The following CD48 variants were observed in gnomAD, a reference collection of about 807,000 sequenced individuals.
The protein encoded by CD48 is CD48 antigen.
In CD48, 20 loss-of-function variants were observed where a neutral mutation model predicts 22.0. That is an observed-to-expected ratio of 0.91 (90% CI 0.64 to 1.32). CD48 has a LOEUF of 1.32. Ranked by LOEUF, CD48 falls within the 40% of genes most tolerant of loss-of-function variation. The pLI is 0.00. For synonymous variants in CD48, 110 were observed against 110.1 expected, an observed-to-expected ratio of 1.00 and a Z score of 0.01; for missense variants, 307 against 286.5, an observed-to-expected ratio of 1.07 and a Z score of -0.52.
intron 1 of CD48, among the ~76,000 whole-genome samples, chr1:160,707,410 G>C (rs1268043082): frequency 2.6e-5 from 4 of 152,244 alleles, no homozygotes; most frequent in African/African-American, 9.6e-5. Flanking sequence ...GACATGAAGA[G>C]AAGGGAGGTG....
chr1:160,701,032 C>G (rs1401361841), intron 1 of CD48, among the ~76,000 whole-genome samples: 1 of 151,684 alleles, frequency 6.6e-6, no homozygotes, highest in Non-Finnish European at 1.5e-5. Flanking sequence ...AGCACTTGCC[C>G]AACATAAAGC....
At chr1:160,681,508 C>T (rs1312487841) in intron 2 of CD48, 40 bp from the exon 3 acceptor site, 1 of 1,599,634 alleles carries the variant, frequency 6.3e-7, no homozygotes, top group Admixed American at 1.7e-5. Flanking sequence ...GACAGTGAGG[C>T]ATTCATGCTG....
Position 160,697,868 on chromosome 1 carries a change from G to A in CD48, c.83-12679C>T, listed in dbSNP as rs575695478. On this transcript the variant is annotated intron_variant, in intron 1 of 3. Coordinates refer to ENST00000368046, the MANE Select transcript of CD48 (RefSeq NM_001778.4). ...AAGTGCACAAGTGAGTCCAGCTGTT[G>A]ATAGCGACTTAACAGAAAGTCTAGA... Among the ~76,000 whole-genome samples, 125 of 152,214 alleles carry A rather than the reference G, an allele frequency of 8.2e-4. 1 individual carries two copies. The highest frequency in any genetic ancestry group is 2.9e-3 in the African/African-American group (121 of 41,544).
At chr1:160,703,365 A>C (rs544558334) in intron 1 of CD48, among the ~76,000 whole-genome samples, 1 of 152,170 alleles carries the variant, frequency 6.6e-6, no homozygotes, top group Non-Finnish European at 1.5e-5. Flanking sequence ...AAATTCTTTT[A>C]AAAAAGGTAA....
chr1:160,678,960 G>T lies in CD48; in HGVS notation c.*92C>A. 1 of 896,594 alleles carries T rather than the reference G, an allele frequency of 1.1e-6. No individual in the cohort carries two copies. The highest frequency in any genetic ancestry group is 1.9e-6 in the Non-Finnish European group (1 of 530,506). The allele number at this position is 896,594 out of a possible 1,614,324, so 55.5% of individuals were successfully genotyped here. The stretch of plus-strand genomic sequence containing the variant: ...TAATTCAGCAGCATGCTTCTGGTCA[G>T]CCTATACAGTCTCTGTCCTGGTGAG... On this transcript the variant is annotated 3_prime_UTR_variant, in exon 4 of 4. Transcript: ENST00000368046.
At chr1:160,686,878 A>T (rs1371482877) in intron 1 of CD48, among the ~76,000 whole-genome samples, 1 of 151,250 alleles carries the variant, frequency 6.6e-6, no homozygotes, top group Non-Finnish European at 1.5e-5. Context: ...AGGTGAAATT[A>T]AAATTGCTAA....
intron 1 of CD48, among the ~76,000 whole-genome samples, chr1:160,686,279 G>A (rs886908319): frequency 6.6e-6 from 1 of 152,106 alleles, no homozygotes; most frequent in Non-Finnish European, 1.5e-5. Context: ...AGGAGGGCAG[G>A]AGAAGGTCAG....
At chr1:160,682,178 C>T (rs1353620370) in intron 2 of CD48, among the ~76,000 whole-genome samples, 4 of 151,778 alleles carry the variant, frequency 2.6e-5, no homozygotes, top group East Asian at 1.9e-4. Flanking sequence ...CCGGGTGCAG[C>T]GGCTCACACC....
chr1:160,703,713 T>C (rs1571071527), intron 1 of CD48, among the ~76,000 whole-genome samples: 1 of 152,116 alleles, frequency 6.6e-6, no homozygotes, highest in Admixed American at 6.5e-5. Flanking sequence ...TCACAAGTAC[T>C]GGTAGGGGCA....
intron 1 of CD48, among the ~76,000 whole-genome samples, chr1:160,705,866 C>T (rs754740147): frequency 6.6e-5 from 10 of 152,158 alleles, no homozygotes; most frequent in Non-Finnish European, 1.3e-4. Context: ...GCCAGTAACA[C>T]TTGTCCAGTT....
chr1:160,691,844 T>C (rs535266820), intron 1 of CD48: 37 of 361,776 alleles, frequency 1.0e-4, no homozygotes, highest in African/African-American at 3.0e-4. Context: ...CCCGAGTACA[T>C]CTACAGTCAG....
intron 1 of CD48, among the ~76,000 whole-genome samples, chr1:160,697,809 A>G (rs1250234110): frequency 6.6e-6 from 1 of 152,072 alleles, no homozygotes; most frequent in African/African-American, 2.4e-5. Context: ...GGTCAATTCT[A>G]CCACAATTGC....
At chr1:160,689,726 T>A (rs1662134482) in intron 1 of CD48, among the ~76,000 whole-genome samples, 4 of 152,120 alleles carry the variant, frequency 2.6e-5, no homozygotes, top group Non-Finnish European at 5.9e-5. Flanking sequence ...ACACAGATGT[T>A]TTTTGTCTGT....
Position 160,681,303 on chromosome 1 carries a change from G to C in CD48, c.551C>G (p.Thr184Ser). The change falls in exon 3 of 4, where the codon ACC becomes AGC. Residue 184 changes from threonine to serine, a missense_variant. By Grantham distance (58) the Thr-to-Ser change is moderately conservative. Coordinates refer to ENST00000368046, the MANE Select transcript of CD48 (RefSeq NM_001778.4). The stretch of plus-strand genomic sequence containing the variant: ...CCTGGAGTAATTATGTGGCATAAGG[G>C]TGGTTTCAAGCACACTGTTCTGGAG... ...KELQNSVLET[T>S]LMPHNYSRCY... The C allele has an allele frequency of 1.2e-6, 2 of 1,614,200 alleles. No individual in the cohort carries two copies. Among genetic ancestry groups the C allele is most frequent in the Non-Finnish European group, 1.7e-6 (2 of 1,180,024 alleles).
At chr1:160,693,850 G>T (rs532811427) in intron 1 of CD48, among the ~76,000 whole-genome samples, 1 of 152,270 alleles carries the variant, frequency 6.6e-6, no homozygotes, top group Non-Finnish European at 1.5e-5. Context: ...GTTCCTCAGG[G>T]TTTTCAGGGA....
intron 1 of CD48, among the ~76,000 whole-genome samples, chr1:160,685,769 C>T (rs1661975462): frequency 6.6e-6 from 1 of 152,138 alleles, no homozygotes; most frequent in African/African-American, 2.4e-5. Flanking sequence ...AAATCACTGA[C>T]AAGAGGCAGA....
In CD48 at chr1:160,685,060, G is replaced by T; in HGVS notation, c.212C>A (p.Ser71Tyr). 1 of 1,614,168 alleles carries T rather than the reference G, an allele frequency of 6.2e-7. No individual in the cohort carries two copies. The highest frequency in any genetic ancestry group is 8.5e-7 in the Non-Finnish European group (1 of 1,180,016). The change falls in exon 2 of 4, where the codon TCC becomes TAC. Residue 71 changes from serine (S) to tyrosine (Y), a missense_variant. Coordinates refer to ENST00000368046, the MANE Select transcript of CD48 (RefSeq NM_001778.4). ...GGATTCAAAGTACTTAGATTTTCTG[G>T]AATCCCATTCTACAATCTTCTGGTC... ...TFDQKIVEWD[S>Y]RKSKYFESKF...
At chr1:160,687,409 G>A (rs1479071175) in intron 1 of CD48, among the ~76,000 whole-genome samples, 1 of 152,136 alleles carries the variant, frequency 6.6e-6, no homozygotes, top group Non-Finnish European at 1.5e-5. Context: ...AGTAAAGACA[G>A]GCATAGGAAA....
chr1:160,684,520 C>T, intron 2 of CD48: 1 of 527,766 alleles, frequency 1.9e-6, no homozygotes, highest in Non-Finnish European at 3.3e-6. Context: ...TATATTAATA[C>T]ATTCTCTTTT....
Sources: gnomAD v4.1 joint callset for allele counts (sites outside exome capture counted in the v4.1 genomes callset) on GRCh38, gnomAD v4.1.1 for gene constraint, MANE v1.5 for transcripts, NCBI Gene and HGNC (gene_info 2026-07-23, HGNC 2026-07-21) for gene names.